PCSK5: variants seen among roughly 807,000 people sequenced by gnomAD.
PCSK5 encodes prohormone convertase 5.
In PCSK5, 129 loss-of-function variants were observed where a neutral mutation model predicts 233.2. That is an observed-to-expected ratio of 0.55 (90% CI 0.48 to 0.64). The LOEUF is 0.64. PCSK5 is among the 30% of genes least tolerant of loss of function. PCSK5 has a pLI of 0.00. For missense variants in PCSK5, 2,076 were observed against 2,430.1 expected, an observed-to-expected ratio of 0.85 and a Z score of 3.06; for synonymous variants, 825 against 879.2, an observed-to-expected ratio of 0.94 and a Z score of 1.09.
chr9:75,896,788 CAT>C (rs996495952), intron 1 of PCSK5, among the ~76,000 whole-genome samples: 1 of 152,016 alleles, frequency 6.6e-6, no homozygotes, highest in Non-Finnish European at 1.5e-5. Context: ...ATATGCACAG[CAT>C]ATATATGTCA....
rs772582312 is a variant in PCSK5, at chr9:76,358,954, ACT to A, written c.*36_*37del. 6.3e-7 allele frequency: 1 copy of A among 1,588,126 alleles called. No homozygotes were observed. On this transcript the variant is annotated 3_prime_UTR_variant, in exon 38 of 38. Transcript: ENST00000674117. The stretch of plus-strand genomic sequence containing the variant: ...ACTCCCCCACCAACACCACCATTCC[ACT>A]CTCAGGCATGCCTGTGAGCATCACT...
chr9:76,250,305 TAAGA>T (rs1282215588), intron 24 of PCSK5, among the ~76,000 whole-genome samples: 3 of 152,026 alleles, frequency 2.0e-5, no homozygotes, highest in Non-Finnish European at 4.4e-5. Flanking sequence ...TGTCTCAAAA[TAAGA>T]AAGAAAGTGG....
intron 20 of PCSK5, among the ~76,000 whole-genome samples, chr9:76,190,476 GAGTTTTGTATCTTGC>G (rs1428936309): frequency 6.6e-6 from 1 of 152,006 alleles, no homozygotes; most frequent in Non-Finnish European, 1.5e-5. Flanking sequence ...CATGCACATA[GAGTTTTGTATCTTGC>G]TTTTTGCACT....
At chr9:76,355,027 G>GA (rs1830262880) in intron 37 of PCSK5, among the ~76,000 whole-genome samples, 1 of 152,124 alleles carries the variant, frequency 6.6e-6, no homozygotes, top group African/African-American at 2.4e-5. Flanking sequence ...TGACATTTTA[G>GA]AAATGAATTT....
intron 34 of PCSK5, among the ~76,000 whole-genome samples, chr9:76,333,767 C>T (rs1302392804): frequency 6.6e-6 from 1 of 152,196 alleles, no homozygotes; most frequent in African/African-American, 2.4e-5. Flanking sequence ...CAAATTGACA[C>T]ATCTCTTCGG....
chr9:75,966,386 A>G (rs1416624215), intron 2 of PCSK5, among the ~76,000 whole-genome samples: 2 of 152,326 alleles, frequency 1.3e-5, no homozygotes, highest in Non-Finnish European at 2.9e-5. Context: ...GGAAAATGAC[A>G]TCATGGTTGT....
At chr9:75,902,229 A>AAAAG (rs1826071844) in intron 1 of PCSK5, among the ~76,000 whole-genome samples, 1 of 121,802 alleles carries the variant, frequency 8.2e-6, no homozygotes, top group Non-Finnish European at 2.0e-5. Context: ...AAAAAAAAAA[A>AAAAG]AAAAAAAAAA....
intron 25 of PCSK5, 141 bp downstream of exon 25, chr9:76,292,416 C>T (rs1367271199): frequency 6.3e-6 from 4 of 636,128 alleles, no homozygotes; most frequent in Non-Finnish European, 1.1e-5. Context: ...ATGAGCAATT[C>T]TTGGATTTAG....
At chr9:76,313,898 C>T (rs1311637421) in intron 30 of PCSK5, among the ~76,000 whole-genome samples, 1 of 151,892 alleles carries the variant, frequency 6.6e-6, no homozygotes, top group Non-Finnish European at 1.5e-5. Context: ...ACTCCCAGTC[C>T]TCCTCCCCTA....
chr9:76,158,805 C>G (rs1439048156), intron 11 of PCSK5, among the ~76,000 whole-genome samples, 178 bp from the exon 12 acceptor site: 1 of 152,208 alleles, frequency 6.6e-6, no homozygotes, highest in Non-Finnish European at 1.5e-5. Context: ...TCCCTTGCAT[C>G]TTTCCCACTA....
At chr9:76,104,326 C>T (rs1037070335) in intron 8 of PCSK5, among the ~76,000 whole-genome samples, 5 of 152,066 alleles carry the variant, frequency 3.3e-5, no homozygotes, top group African/African-American at 1.2e-4. Context: ...GTTTTTGTTT[C>T]TTTTCTCCCC....
intron 10 of PCSK5, among the ~76,000 whole-genome samples, chr9:76,146,478 T>A (rs1823443696): frequency 6.6e-6 from 1 of 151,776 alleles, no homozygotes; most frequent in Admixed American, 6.6e-5. Flanking sequence ...TGTTAAACTT[T>A]CCTTCCAAGT....
chr9:76,237,488 C>T (rs550087224), intron 22 of PCSK5, among the ~76,000 whole-genome samples: 16 of 152,150 alleles, frequency 1.1e-4, no homozygotes, highest in African/African-American at 2.4e-4. Context: ...GCATTTCAGG[C>T]GAGGCACAGT....
Position 76,338,336 on chromosome 9 carries a change from T to C in PCSK5, c.4855T>C (p.Phe1619Leu). The change falls in exon 35 of 38, where the codon TTT becomes CTT. Residue 1619 changes from phenylalanine to leucine, a missense_variant. Around this residue, in one of 6 missense-constraint regions of PCSK5, gnomAD observed 1,510 missense variants for 1,538.1 expected, o/e 0.98. Coordinates refer to ENST00000674117, the MANE Select transcript of PCSK5 (RefSeq NM_001372043.1). ...CTGCCTGTCTTGCGATAGATTTTTC[T>C]TTCTGCTCCGCTCCAAAGGAGAGTG... ...TDCLSCDRFFFLLRSKGECHR... is the reference protein window; with the variant it reads ...TDCLSCDRFFLLLRSKGECHR... 2 of 1,612,690 alleles carry C rather than the reference T, an allele frequency of 1.2e-6. No individual in the cohort carries two copies. The highest frequency in any genetic ancestry group is 1.7e-6 in the Non-Finnish European group (2 of 1,179,776).
At chr9:76,103,259 G>T (rs1398409915) in intron 8 of PCSK5, among the ~76,000 whole-genome samples, 1 of 152,152 alleles carries the variant, frequency 6.6e-6, no homozygotes, top group Middle Eastern at 3.2e-3. Context: ...CACAATTCTA[G>T]TTCAAATCAA....
At chr9:76,123,238 T>C (rs1036153864) in intron 9 of PCSK5, among the ~76,000 whole-genome samples, 2 of 152,212 alleles carry the variant, frequency 1.3e-5, no homozygotes, top group African/African-American at 4.8e-5. Context: ...TGTCAACAAA[T>C]TCAACTTTTT....
intron 5 of PCSK5, among the ~76,000 whole-genome samples, chr9:76,040,872 G>T (rs936299739): frequency 2.0e-5 from 3 of 152,118 alleles, no homozygotes; most frequent in African/African-American, 7.2e-5. Flanking sequence ...CAGTGTTTTG[G>T]TTATTCATTA....
chr9:76,042,777 C>A (rs771185974), intron 5 of PCSK5, among the ~76,000 whole-genome samples: 13 of 152,194 alleles, frequency 8.5e-5, no homozygotes, highest in Admixed American at 1.3e-4. Flanking sequence ...AAATCTCCAA[C>A]TTACTTATGT....
At chr9:76,304,438 G>C (rs1465293601) in intron 28 of PCSK5, among the ~76,000 whole-genome samples, 2 of 152,218 alleles carry the variant, frequency 1.3e-5, no homozygotes, top group Non-Finnish European at 2.9e-5. Flanking sequence ...AAACCAGAGG[G>C]AAGGAAGAGG....
Sources: gnomAD v4.1 joint callset for allele counts (sites outside exome capture counted in the v4.1 genomes callset) on GRCh38, gnomAD v4.1.1 for gene constraint, gnomAD v4.1.1 regional missense constraint, MANE v1.5 for transcripts, NCBI Gene and HGNC (gene_info 2026-07-23, HGNC 2026-07-21) for gene names.